Variants in CRISPLD1 observed in about 807,000 individuals in gnomAD.
The protein encoded by CRISPLD1 is cysteine rich secretory protein LCCL domain containing 1.
A neutral mutation model predicts 77.5 loss-of-function variants in CRISPLD1; 60 were observed. That is an observed-to-expected ratio of 0.77 (90% CI 0.63 to 0.96). The LOEUF (loss-of-function observed/expected upper bound fraction) is 0.96. CRISPLD1 is among the 40% of genes least tolerant of loss of function. The probability of loss-of-function intolerance (pLI) is 0.00; values close to 1 mark genes in which losing one functional copy is unlikely to be tolerated. For missense variants in CRISPLD1, 623 were observed against 615.8 expected, an observed-to-expected ratio of 1.01 and a Z score of -0.12; for synonymous variants, 195 against 200.1, an observed-to-expected ratio of 0.97 and a Z score of 0.22.
intron 2 of CRISPLD1, among the ~76,000 whole-genome samples, chr8:74,999,705 A>T (rs1385513998): frequency 6.6e-6 from 1 of 151,814 alleles, no homozygotes; most frequent in East Asian, 1.9e-4. Context: ...CAACTATCAC[A>T]TTCGCCTCCC....
Position 75,032,455 on chromosome 8 carries a change from A to G in CRISPLD1, c.*213A>G. On this transcript the variant is annotated 3_prime_UTR_variant, in exon 15 of 15. Transcript: ENST00000262207. ...TAATGAAAATATAATGGTTTTAGAA[A>G]TCCTGTGTTAAATATTGCTATATTT... The G allele has an allele frequency of 2.5e-6, 1 of 396,270 alleles. No individual in the cohort carries two copies. Among genetic ancestry groups the G allele is most frequent in the Non-Finnish European group, 4.5e-6 (1 of 220,234 alleles). 24.5% of individuals were successfully genotyped at this position (396,270 alleles called of 1,614,324 possible).
chr8:74,997,260 G>A (rs978033052), intron 2 of CRISPLD1, among the ~76,000 whole-genome samples: 4 of 152,150 alleles, frequency 2.6e-5, no homozygotes, highest in Non-Finnish European at 5.9e-5. Flanking sequence ...TAGGGGTAAA[G>A]ATGGAGAAGG....
intron 7 of CRISPLD1, 22 bp downstream of exon 7, chr8:75,016,727 T>C (rs1236311086): frequency 4.4e-6 from 7 of 1,591,250 alleles, no homozygotes; most frequent in Admixed American, 1.8e-5. Context: ...ATATTACTTA[T>C]AAAAATTTTC....
At position 75,013,042 on chromosome 8, in the gene CRISPLD1, T is replaced by C. The variant is rs892905371; in HGVS notation, c.510+20T>C. ...ACACAGGTATGTTTGGGGGGTATTATACTTAATTCCCCCAAATTGAGTTAA... is the reference window on the plus strand; with the variant it reads ...ACACAGGTATGTTTGGGGGGTATTACACTTAATTCCCCCAAATTGAGTTAA... On this transcript the variant is annotated intron_variant, in intron 4 of 14. Transcript: ENST00000262207. 2.7e-6 allele frequency: 4 copies of C among 1,497,708 alleles called. No homozygotes were observed. The highest frequency in any genetic ancestry group is 3.6e-6 in the Non-Finnish European group (4 of 1,111,936). 92.8% of individuals were successfully genotyped at this position (1,497,708 alleles called of 1,614,324 possible).
chr8:75,028,157 T>C (rs1487923617), intron 13 of CRISPLD1, among the ~76,000 whole-genome samples: 1 of 152,198 alleles, frequency 6.6e-6, no homozygotes, highest in Non-Finnish European at 1.5e-5. Context: ...GAGGCAAATA[T>C]AATTCAATGG....
chr8:75,006,640 T>G lies in CRISPLD1; in HGVS notation c.259-5793T>G, dbSNP rs145053075. 9.3e-3 allele frequency among the ~76,000 whole-genome samples: 1,420 copies of G among 152,240 alleles called. 21 individuals carry two copies. Among genetic ancestry groups the G allele is most frequent in the African/African-American group, 0.032 (1,330 of 41,554 alleles). Reference sequence around the variant, plus strand: ...TCAATAATTATTTCTGTGTAGCGGTTAGGGTGTTAAGCTATCCATGCTGGT... The same window carrying G: ...TCAATAATTATTTCTGTGTAGCGGTGAGGGTGTTAAGCTATCCATGCTGGT... On this transcript the variant is annotated intron_variant, in intron 2 of 14. Coordinates refer to ENST00000262207, the MANE Select transcript of CRISPLD1 (RefSeq NM_031461.6).
At chr8:75,031,758 G>A (rs1293842732) in intron 14 of CRISPLD1, among the ~76,000 whole-genome samples, 3 of 151,910 alleles carry the variant, frequency 2.0e-5, no homozygotes, top group Non-Finnish European at 4.4e-5. Flanking sequence ...ATAAGCTAGC[G>A]CTCTAGAGTA....
rs368258595 is a variant in CRISPLD1, at chr8:74,998,685, C to CAA, written c.258+12462_258+12463dup. 7.6e-3 allele frequency among the ~76,000 whole-genome samples: 383 copies of CAA among 50,132 alleles called. 24 individuals are homozygous for CAA. Among genetic ancestry groups the CAA allele is most frequent in the African/African-American group, 0.016 (226 of 13,762 alleles). The allele number at this position is 50,132 out of a possible 152,430, so 32.9% of individuals were successfully genotyped here. ...CCTGGGCAACAGAGAGACTCCATCT[C>CAA]AAAAAAAAAAAAAAAAAAAAAAAGT... On this transcript the variant is annotated intron_variant, in intron 2 of 14. Transcript: ENST00000262207.
intron 10 of CRISPLD1, among the ~76,000 whole-genome samples, chr8:75,018,882 A>T (rs1045406570): frequency 4.5e-4 from 68 of 152,202 alleles, no homozygotes; most frequent in Non-Finnish European, 8.7e-4. Context: ...GTGAGCCACC[A>T]CACTTGGCCT....
intron 2 of CRISPLD1, 97 bp from the exon 3 acceptor site, chr8:75,012,336 G>C: frequency 4.0e-6 from 3 of 748,454 alleles, no homozygotes; most frequent in Non-Finnish European, 6.9e-6. Flanking sequence ...ACTTTGTAAA[G>C]AAAGAAAGAA....
In CRISPLD1 at chr8:75,012,950, C is replaced by A; in HGVS notation, c.438C>A (p.Tyr146Ter). ...SWYDEVKDFS[Y>*]PYEHECNPYC... is the part of the protein sequence containing the mutation. ...ATGATGAAGTGAAAGACTTTAGCTA[C>A]CCATATGAACATGAATGCAACCCAT... The change falls in exon 4 of 15, where the codon TAC becomes TAA. Residue 146 changes from tyrosine (Y) to a stop codon, truncating the protein, a stop_gained. Transcript: ENST00000262207. LOFTEE classifies it high-confidence loss of function. 3 of 1,612,828 alleles carry A rather than the reference C, an allele frequency of 1.9e-6. No individual in the cohort carries two copies. Among genetic ancestry groups the A allele is most frequent in the Non-Finnish European group, 1.7e-6 (2 of 1,179,270 alleles).
chr8:74,989,094 G>C (rs918831978), intron 2 of CRISPLD1, among the ~76,000 whole-genome samples: 3 of 152,104 alleles, frequency 2.0e-5, no homozygotes, highest in East Asian at 1.9e-4. Context: ...GCAAGAGTTG[G>C]GGGTATACAT....
At chr8:75,016,813 G>T (rs1028942151) in intron 7 of CRISPLD1, 68 bp from the exon 8 acceptor site, 3 of 1,524,390 alleles carry the variant, frequency 2.0e-6, no homozygotes, top group Admixed American at 4.0e-5. Flanking sequence ...TTTGTCATTA[G>T]GCTATATATA....
intron 2 of CRISPLD1, among the ~76,000 whole-genome samples, chr8:74,989,477 CGTT>C (rs1412402575): frequency 6.6e-6 from 1 of 151,660 alleles, no homozygotes; most frequent in African/African-American, 2.4e-5. Context: ...CCATTCTAGG[CGTT>C]GTTCTTCTCA....
Position 75,016,719 on chromosome 8 carries a change from ATTAC to A in CRISPLD1, c.868+18_868+21del. ...CACAGCAAATGTGTAAGACCTCCAT[ATTAC>A]TTATAAAAATTTTCAAAGTACATAA... On this transcript the variant is annotated intron_variant, in intron 7 of 14. Transcript: ENST00000262207. The A allele has an allele frequency of 3.8e-6, 6 of 1,594,630 alleles. No homozygotes were observed. Among genetic ancestry groups the A allele is most frequent in the Non-Finnish European group, 5.1e-6 (6 of 1,172,282 alleles).
intron 2 of CRISPLD1, among the ~76,000 whole-genome samples, chr8:75,006,703 T>C (rs1587012758): frequency 6.6e-6 from 1 of 152,234 alleles, no homozygotes; most frequent in East Asian, 1.9e-4. Flanking sequence ...ACTAATTTAT[T>C]TTATTTATTG....
At chr8:75,020,863 G>C (rs568392467) in intron 12 of CRISPLD1, among the ~76,000 whole-genome samples, 5 of 151,848 alleles carry the variant, frequency 3.3e-5, no homozygotes, top group Non-Finnish European at 7.4e-5. Flanking sequence ...TCTTTTACAA[G>C]ATTATAATGG....
chr8:75,019,789 T>C (rs1397454908), intron 10 of CRISPLD1, 81 bp from the exon 11 acceptor site: 4 of 1,114,416 alleles, frequency 3.6e-6, no homozygotes, highest in Non-Finnish European at 5.4e-6. Flanking sequence ...TAAGTGTTCA[T>C]AGACTTGAAA....
intron 6 of CRISPLD1, among the ~76,000 whole-genome samples, chr8:75,015,329 C>G (rs193163867): frequency 6.6e-6 from 1 of 152,102 alleles, no homozygotes; most frequent in Admixed American, 6.5e-5. Flanking sequence ...CTTATTGAAC[C>G]ATGCTCAATG....
Sources: allele counts gnomAD v4.1 joint callset (sites outside exome capture counted in the v4.1 genomes callset), GRCh38; gene constraint gnomAD v4.1.1; transcripts MANE v1.5; gene names NCBI Gene and HGNC (gene_info 2026-07-23, HGNC 2026-07-21).